Variants in GNAS observed in about 807,000 individuals in gnomAD.
GNAS encodes GNAS complex locus, also known as protein ALEX.
GNAS carries 8 observed loss-of-function variants against 54.5 expected under a neutral mutation model. That is an observed-to-expected ratio of 0.15 (90% CI 0.09 to 0.26). The LOEUF is 0.26. Ranked by LOEUF, GNAS falls within the 10% of genes least tolerant of loss-of-function variation. The probability of loss-of-function intolerance (pLI) is 1.00; values close to 1 mark genes in which losing one functional copy is unlikely to be tolerated. For missense variants in GNAS, 170 were observed against 529.8 expected (o/e 0.32, Z 6.67); for synonymous variants, 204 against 191.4 (o/e 1.07, Z -0.54).
chr20:58,890,154 G>GAGA (rs1424347512), upstream of GNAS, among the ~76,000 whole-genome samples: 1 of 151,860 alleles, frequency 6.6e-6, no homozygotes, highest in Non-Finnish European at 1.5e-5. Context: ...GCGAAAGGAG[G>GAGA]AGAAGAAGAA....
chr20:58,883,031 T>TG (rs1474714132), intron 1 of GNAS: 1 of 151,946 alleles, frequency 6.6e-6, no homozygotes, highest in Non-Finnish European at 1.5e-5. Flanking sequence ...AATTAAGTGC[T>TG]GGGAAAAAAA....
chr20:58,848,826 C>T (rs1409715186), intron 1 of GNAS: 2 of 398,504 alleles, frequency 5.0e-6, no homozygotes, highest in African/African-American at 4.1e-5. Context: ...TTTGGCCACA[C>T]TTCTGGGGTC....
At chr20:58,903,981 A>C (rs1384805568) in intron 5 of GNAS, among the ~76,000 whole-genome samples, 190 bp downstream of exon 5, 2 of 152,188 alleles carry the variant, frequency 1.3e-5, no homozygotes, top group African/African-American at 2.4e-5. Context: ...TAATAATAAT[A>C]ATCATTAGGG....
chr20:58,887,144 C>A (rs940443982), upstream of GNAS, among the ~76,000 whole-genome samples: 1 of 152,154 alleles, frequency 6.6e-6, no homozygotes, highest in Non-Finnish European at 1.5e-5. Flanking sequence ...AATAAGGAGG[C>A]TCTTCATTAT....
intron 1 of GNAS, chr20:58,842,079 C>A: frequency 4.8e-6 from 2 of 413,356 alleles, no homozygotes; most frequent in Admixed American, 4.4e-5. Flanking sequence ...AGGCGGCGTG[C>A]TCCGGCCATT....
intron 3 of GNAS, chr20:58,903,081 T>G (rs2090774726): frequency 3.0e-6 from 1 of 332,414 alleles, no homozygotes; most frequent in African/African-American, 2.2e-5. Context: ...GCTCACTGGT[T>G]CTCTCAGTAT....
chr20:58,893,062 GTTTCTTTTTTT>G lies in GNAS; in HGVS notation c.139+1201_139+1211del, dbSNP rs1410150430. ...GGCTTCTTGGTCTGGAAATGGCGTGGTTTCTTTTTTTTTTTTTTTTTTTTTTTGTCCTCCTC... is the reference window on the plus strand; with the variant it reads ...GGCTTCTTGGTCTGGAAATGGCGTGGTTTTTTTTTTTTTTTTGTCCTCCTC... On this transcript the variant is annotated intron_variant, in intron 1 of 12. Transcript: ENST00000371085. Among the ~76,000 whole-genome samples, 12 of 111,514 alleles carry G rather than the reference GTTTCTTTTTTT, an allele frequency of 1.1e-4. No homozygotes were observed. The South Asian group carries it at 1.7e-3, about 16-fold the overall frequency. 73.2% of individuals were successfully genotyped at this position (111,514 alleles called of 152,430 possible).
chr20:58,897,550 T>C (rs576157728), intron 2 of GNAS: 1 of 152,342 alleles, frequency 6.6e-6, no homozygotes, highest in South Asian at 2.1e-4. Context: ...TACTGACAGC[T>C]TCATTACAGA....
At chr20:58,907,914 C>T (rs2091191496) in intron 6 of GNAS, among the ~76,000 whole-genome samples, 1 of 152,232 alleles carries the variant, frequency 6.6e-6, no homozygotes, top group East Asian at 1.9e-4. Flanking sequence ...GTTTGGCTGG[C>T]TCCACTCCAG....
intron 1 of GNAS, among the ~76,000 whole-genome samples, chr20:58,865,557 A>G (rs1030378594): frequency 6.8e-6 from 1 of 147,278 alleles, no homozygotes; most frequent in Non-Finnish European, 1.5e-5. Flanking sequence ...TTTTTTTTCC[A>G]GAGAAAAGTT....
At chr20:58,848,012 G>T (rs1001943748) in intron 1 of GNAS, among the ~76,000 whole-genome samples, 19 of 152,328 alleles carry the variant, frequency 1.2e-4, no homozygotes, top group Middle Eastern at 6.8e-3. Context: ...GCTGTTCAGA[G>T]AGTCAATGGT....
upstream of GNAS, chr20:58,889,505 T>G: frequency 8.5e-6 from 2 of 234,968 alleles, no homozygotes; most frequent in Non-Finnish European, 1.4e-5. Flanking sequence ...CTCTTTTCTC[T>G]TCTCCATTGG....
chr20:58,892,181 G>C, intron 1 of GNAS: 1 of 970,320 alleles, frequency 1.0e-6, no homozygotes, highest in Non-Finnish European at 1.2e-6. Flanking sequence ...CTCTTTTTCC[G>C]CGAGGCCTAC....
At chr20:58,846,653 C>A (rs923037151) in intron 1 of GNAS, among the ~76,000 whole-genome samples, 1 of 152,220 alleles carries the variant, frequency 6.6e-6, no homozygotes, top group Non-Finnish European at 1.5e-5. Flanking sequence ...CAAAGACCGG[C>A]AGCCAGCAGA....
Position 58,853,531 on chromosome 20 carries a change from G to A in GNAS, c.43+12645G>A. The stretch of plus-strand genomic sequence containing the variant: ...CTCAACCCGGCATTCAGGGAAGCTG[G>A]AGCCCATGGAAGCTACAGCCCACCT... On this transcript the variant is annotated intron_variant, in intron 1 of 12. Transcript: ENST00000306090. This position sits in a 1 kb window ranked among gnomAD's most constrained non-coding sequence, Gnocchi z 4.4. 1 of 1,613,264 alleles carries A rather than the reference G, an allele frequency of 6.2e-7. No homozygotes were observed. Among genetic ancestry groups the A allele is most frequent in the Non-Finnish European group, 8.5e-7 (1 of 1,179,852 alleles).
chr20:58,842,045 C>T (rs999681353), intron 1 of GNAS: 6 of 567,710 alleles, frequency 1.1e-5, no homozygotes, highest in South Asian at 1.8e-4. Context: ...CCGGCGGCTC[C>T]GGCAGCCTTG....
At chr20:58,854,672 G>T in intron 1 of GNAS, 1 of 1,527,316 alleles carries the variant, frequency 6.5e-7, no homozygotes, top group South Asian at 1.2e-5. Context: ...ATGCCGGGGC[G>T]GCCCCTGAGG....
chr20:58,853,010 G>A lies in GNAS; in HGVS notation c.43+12124G>A, dbSNP rs2086246153. ...TAGACCAAGGAAGAGGGGCTGGGGG[G>A]CAGCCTGGGGGCATGAAAAGTGGCC... On this transcript the variant is annotated intron_variant, in intron 1 of 12. Transcript: ENST00000306090. The surrounding 1 kb of genome is among the most constrained non-coding windows in gnomAD (Gnocchi z 4.4). 1 of 1,288,584 alleles carries A rather than the reference G, an allele frequency of 7.8e-7. No homozygotes were observed. Among genetic ancestry groups the A allele is most frequent in the Admixed American group, 3.7e-5 (1 of 26,702 alleles). 79.8% of individuals were successfully genotyped at this position (1,288,584 alleles called of 1,614,324 possible). A position where few individuals can be genotyped will look rare whatever the true frequency, so the allele number is the denominator to read the frequency against.
chr20:58,874,873 T>C (rs538009200), intron 1 of GNAS, among the ~76,000 whole-genome samples: 5 of 152,374 alleles, frequency 3.3e-5, no homozygotes, highest in Non-Finnish European at 7.3e-5. Flanking sequence ...TTTCCAGCCA[T>C]TGTGGAATGA....
Sources: allele counts gnomAD v4.1 joint callset (sites outside exome capture counted in the v4.1 genomes callset), GRCh38; gene constraint gnomAD v4.1.1; non-coding constraint Gnocchi (gnomAD v3.1); transcripts MANE v1.5; gene names NCBI Gene and HGNC (gene_info 2026-07-23, HGNC 2026-07-21).